SLC22A14: variants seen among roughly 807,000 people sequenced by gnomAD.
SLC22A14 encodes the protein organic cation transporter-like 4.
SLC22A14 carries 50 observed loss-of-function variants against 53.9 expected under a neutral mutation model. The ratio of observed to expected loss-of-function variants is 0.93; its 90% CI spans 0.74 to 1.17. The LOEUF (loss-of-function observed/expected upper bound fraction) is 1.17. SLC22A14 is among the 50% of genes most tolerant of loss of function. SLC22A14 has a pLI of 0.00. For synonymous variants in SLC22A14, 312 were observed against 303.0 expected, an observed-to-expected ratio of 1.03 and a Z score of -0.31; for missense variants, 671 against 734.7, an observed-to-expected ratio of 0.91 and a Z score of 1.00.
At chr3:38,294,018 A>C (rs569995061) in intron 1 of SLC22A14, among the ~76,000 whole-genome samples, 1 of 152,190 alleles carries the variant, frequency 6.6e-6, no homozygotes, top group African/African-American at 2.4e-5. Context: ...ACATAGGTCT[A>C]TTTTAATTTG....
chr3:38,303,240 C>T (rs554882828), intron 1 of SLC22A14, among the ~76,000 whole-genome samples: 6 of 151,950 alleles, frequency 3.9e-5, no homozygotes, highest in African/African-American at 1.4e-4. Context: ...TAATTTTTGT[C>T]TTAACTTTAC....
chr3:38,295,800 CTG>C (rs1301705795), intron 1 of SLC22A14, among the ~76,000 whole-genome samples: 150 of 151,520 alleles, frequency 9.9e-4, no homozygotes, highest in African/African-American at 3.5e-3. Context: ...CTCTCTCTGT[CTG>C]TCTCTCTCTC....
Position 38,313,083 on chromosome 3 carries a change from G to A in SLC22A14, c.1029G>A (p.Val343=). 6.2e-7 allele frequency: 1 copy of A among 1,607,624 alleles called. No individual in the cohort carries two copies. The highest frequency in any genetic ancestry group is 1.1e-5 in the South Asian group (1 of 89,366). ...AGGTGCTGTGCTACGCCGCAAGTGT[G>A]AACAAGAAGACCATTCCTTCAAATC... ...AKQVLCYAAS[V]NKKTIPSNLL... is the part of the protein sequence containing the mutation. The change falls in exon 6 of 11, where the codon GTG becomes GTA. Residue 343 remains valine, a synonymous_variant. Coordinates refer to ENST00000448498, the MANE Select transcript of SLC22A14 (RefSeq NM_001320033.2).
At chr3:38,282,620 T>C (rs1002890129) in intron 1 of SLC22A14, among the ~76,000 whole-genome samples, 4 of 152,104 alleles carry the variant, frequency 2.6e-5, no homozygotes, top group African/African-American at 9.7e-5. Context: ...GTTACCTCTT[T>C]GGCACATTGA....
At chr3:38,317,798 T>A (rs1704663342) in intron 10 of SLC22A14, among the ~76,000 whole-genome samples, 1 of 152,172 alleles carries the variant, frequency 6.6e-6, no homozygotes, top group Non-Finnish European at 1.5e-5. Flanking sequence ...GCAAGGTAGG[T>A]TCTGTCACTA....
intron 1 of SLC22A14, among the ~76,000 whole-genome samples, chr3:38,286,027 G>GT (rs1271573758): frequency 1.3e-5 from 2 of 152,194 alleles, no homozygotes; most frequent in African/African-American, 2.4e-5. Flanking sequence ...GAGGTTGGGA[G>GT]TTTAAGACCA....
At chr3:38,311,319 T>C (rs1428309667) in intron 5 of SLC22A14, among the ~76,000 whole-genome samples, 1 of 152,186 alleles carries the variant, frequency 6.6e-6, no homozygotes, top group African/African-American at 2.4e-5. Flanking sequence ...GTACCAATGA[T>C]CTCTAATGTA....
intron 7 of SLC22A14, 82 bp downstream of exon 7, chr3:38,313,567 G>A: frequency 8.8e-7 from 1 of 1,134,292 alleles, no homozygotes; most frequent in African/African-American, 1.5e-5. Context: ...GAATGGTCAG[G>A]CTGCAGGGGA....
Position 38,307,708 on chromosome 3 carries a change from A to G in SLC22A14, c.763A>G (p.Ser255Gly), listed in dbSNP as rs1704348584. 6.2e-7 allele frequency: 1 copy of G among 1,614,006 alleles called. No homozygotes were observed. Among genetic ancestry groups the G allele is most frequent in the Non-Finnish European group, 8.5e-7 (1 of 1,180,016 alleles). ...GTCAGTGGTGGGCTACGCCATCAGC[A>G]GCATTTCTTTGGGTGAGACTGGGCC... ...SQSVVGYAIS[S>G]ISLATEWLVG... Residue 255 changes from serine (S) to glycine (G), a missense_variant, in exon 4 of 11, where the codon AGC (serine) becomes GGC (glycine). Transcript: ENST00000448498. This position sits in a 1 kb window ranked among gnomAD's most constrained non-coding sequence, Gnocchi z 4.4.
chr3:38,286,118 T>C (rs1703785675), intron 1 of SLC22A14, among the ~76,000 whole-genome samples: 1 of 152,140 alleles, frequency 6.6e-6, no homozygotes, highest in South Asian at 2.1e-4. Flanking sequence ...GGTGCGCGCC[T>C]GTAATCCCAG....
chr3:38,316,509 A>G lies in SLC22A14; in HGVS notation c.1718A>G (p.His573Arg), dbSNP rs1704626197. ...CAGCCCCTCTCCGAGAGCCTGAACC[A>G]CTCCTCACAGATAAGGTAGGTGTGG... ...RDQPLSESLN[H>R]SSQIRNKVKD... The change falls in exon 10 of 11, where the codon CAC becomes CGC. Residue 573 changes from histidine to arginine, a missense_variant. His to Arg is a conservative substitution (Grantham distance 29, BLOSUM62 0). Transcript: ENST00000448498. 1.9e-6 allele frequency: 3 copies of G among 1,613,202 alleles called. No homozygotes were observed. The highest frequency in any genetic ancestry group is 2.5e-6 in the Non-Finnish European group (3 of 1,179,804).
At chr3:38,310,339 C>T (rs1704433507) in intron 5 of SLC22A14, among the ~76,000 whole-genome samples, 1 of 152,130 alleles carries the variant, frequency 6.6e-6, no homozygotes. Flanking sequence ...GATTGTATTA[C>T]TGCACTCCAG....
chr3:38,310,786 G>A (rs1386300122), intron 5 of SLC22A14, among the ~76,000 whole-genome samples: 3 of 152,100 alleles, frequency 2.0e-5, no homozygotes, highest in Non-Finnish European at 2.9e-5. Flanking sequence ...CACATGGGGT[G>A]CCTTTAAGAC....
chr3:38,313,105 A>G lies in SLC22A14; in HGVS notation c.1051A>G (p.Asn351Asp), dbSNP rs114933334. The G allele has an allele frequency of 4.5e-5, 72 of 1,610,200 alleles. No individual in the cohort carries two copies. The African/African-American group carries it at 8.0e-4, about 18-fold the overall frequency. ...TGTGAACAAGAAGACCATTCCTTCA[A>G]ATCTGCTGGACGAGGTAAAGGGCTT... ...ASVNKKTIPS[N>D]LLDELQLPRK... Residue 351 changes from asparagine (N) to aspartate (D), a missense_variant, in exon 6 of 11, where the codon AAT (asparagine) becomes GAT (aspartate). Physicochemically the swap from Asn to Asp is conservative, Grantham distance 23. Coordinates refer to ENST00000448498, the MANE Select transcript of SLC22A14 (RefSeq NM_001320033.2).
chr3:38,314,038 C>G, intron 8 of SLC22A14, 97 bp downstream of exon 8: 10 of 990,568 alleles, frequency 1.0e-5, no homozygotes, highest in Non-Finnish European at 1.5e-5. Flanking sequence ...CCTAGACACC[C>G]TGGGAATCAG....
chr3:38,295,750 C>T (rs1704020346), intron 1 of SLC22A14, among the ~76,000 whole-genome samples: 1 of 151,468 alleles, frequency 6.6e-6, no homozygotes, highest in Non-Finnish European at 1.5e-5. Flanking sequence ...CTCTCTCTCT[C>T]CTCTCTGTCT....
intron 1 of SLC22A14, among the ~76,000 whole-genome samples, chr3:38,294,728 TC>T (rs1703989360): frequency 6.6e-6 from 1 of 152,158 alleles, no homozygotes; most frequent in Non-Finnish European, 1.5e-5. Context: ...GCACCTGTTT[TC>T]CCACCTTTCT....
At chr3:38,290,527 C>T (rs1703890125) in intron 1 of SLC22A14, among the ~76,000 whole-genome samples, 1 of 147,328 alleles carries the variant, frequency 6.8e-6, no homozygotes, top group African/African-American at 2.6e-5. Context: ...CTTTACAGGC[C>T]CTGACTATCT....
At chr3:38,296,411 A>G (rs1325332235) in intron 1 of SLC22A14, among the ~76,000 whole-genome samples, 2 of 152,216 alleles carry the variant, frequency 1.3e-5, no homozygotes, top group Non-Finnish European at 2.9e-5. Context: ...TCCGGCAGCC[A>G]TGCTAATCAT....
Sources: allele counts gnomAD v4.1 joint callset (sites outside exome capture counted in the v4.1 genomes callset), GRCh38; gene constraint gnomAD v4.1.1; non-coding constraint Gnocchi (gnomAD v3.1); transcripts MANE v1.5; gene names NCBI Gene and HGNC (gene_info 2026-07-23, HGNC 2026-07-21).